ELAVL4: variants seen among roughly 807,000 people sequenced by gnomAD.
The protein encoded by ELAVL4 is ELAV-like protein 4.
ELAVL4 carries 1 observed loss-of-function variant against 35.6 expected under a neutral mutation model. The ratio of observed to expected loss-of-function variants is 0.03; its 90% CI spans 0.01 to 0.13. ELAVL4 has a LOEUF of 0.13. Among genes scored for constraint, ELAVL4 ranks in the 10% least tolerant of loss-of-function variants. ELAVL4 has a pLI of 1.00. For missense variants in ELAVL4, 267 were observed against 464.9 expected, an observed-to-expected ratio of 0.57 and a Z score of 3.91; for synonymous variants, 156 against 171.0, an observed-to-expected ratio of 0.91 and a Z score of 0.69.
Position 50,137,069 on chromosome 1 carries a change from T to C in ELAVL4, c.10-7888T>C, listed in dbSNP as rs1672002877. On this transcript the variant is annotated intron_variant, in intron 1 of 6. Transcript: ENST00000371824. ...TCGTATGTAGGTAAAGTGGAGGGGA[T>C]AGGGTAAGACAGGGTTCTAAACCTT... 2.6e-5 allele frequency among the ~76,000 whole-genome samples: 4 copies of C among 152,152 alleles called. No homozygotes were observed. The South Asian group carries it at 8.3e-4, about 32-fold the overall frequency.
chr1:50,193,695 GT>G, intron 3 of ELAVL4, 69 bp from the exon 4 acceptor site: 1 of 1,539,124 alleles, frequency 6.5e-7, no homozygotes, highest in Non-Finnish European at 8.8e-7. Flanking sequence ...TGTCATCTTG[GT>G]TGTGGACTCA....
At chr1:50,191,078 G>T (rs1682594908) in intron 3 of ELAVL4, among the ~76,000 whole-genome samples, 1 of 152,068 alleles carries the variant, frequency 6.6e-6, no homozygotes, top group Non-Finnish European at 1.5e-5. Flanking sequence ...TGTGATAATT[G>T]GTCTGTATGT....
chr1:50,156,743 A>G (rs1317141889), intron 2 of ELAVL4, among the ~76,000 whole-genome samples: 1 of 152,174 alleles, frequency 6.6e-6, no homozygotes, highest in Non-Finnish European at 1.5e-5. Context: ...ACAGCAAGCA[A>G]GTGGCCAAGC....
chr1:50,145,522 A>C (rs1393610309), intron 2 of ELAVL4, among the ~76,000 whole-genome samples: 7 of 151,972 alleles, frequency 4.6e-5, no homozygotes, highest in Non-Finnish European at 7.4e-5. Flanking sequence ...CCTATACTAT[A>C]CACTAGTTTT....
intron 1 of ELAVL4, among the ~76,000 whole-genome samples, chr1:50,084,362 A>G (rs977556123): frequency 3.9e-5 from 6 of 152,318 alleles, no homozygotes; most frequent in Non-Finnish European, 5.9e-5. Flanking sequence ...TTAGTTTACA[A>G]CATTCTGTTT....
chr1:50,137,407 C>A (rs1672062755), intron 1 of ELAVL4, among the ~76,000 whole-genome samples: 1 of 151,532 alleles, frequency 6.6e-6, no homozygotes. Context: ...AAGTCATGAG[C>A]TAATGGAATA....
In ELAVL4 at chr1:50,178,260, C is replaced by G. The variant is rs1356445567; in HGVS notation, c.354+1068C>G. ...GCAAAGTAGGACAAAAGAGAAACCT[C>G]TCCCAGAATGGAAATCTATAGATGG... On this transcript the variant is annotated intron_variant, in intron 3 of 6. Transcript: ENST00000371824. Among the ~76,000 whole-genome samples, 4 of 152,180 alleles carry G rather than the reference C, an allele frequency of 2.6e-5. No individual in the cohort carries two copies. In the South Asian group the frequency reaches 6.2e-4, roughly 24 times the overall value.
chr1:50,133,599 A>AAAGAAAGAAAG (rs1460308549), intron 1 of ELAVL4, among the ~76,000 whole-genome samples: 17 of 129,262 alleles, frequency 1.3e-4, no homozygotes, highest in South Asian at 2.7e-4. Flanking sequence ...AGAAAGAAAG[A>AAAGAAAGAAAG]AAAGAAAGAA....
chr1:50,156,905 C>G (rs936477385), intron 2 of ELAVL4, among the ~76,000 whole-genome samples: 3 of 152,118 alleles, frequency 2.0e-5, no homozygotes, highest in African/African-American at 7.2e-5. Context: ...ATAATGAACA[C>G]CAATTTCAGT....
chr1:50,116,395 GGT>G (rs139106566), intron 1 of ELAVL4, among the ~76,000 whole-genome samples: 4,597 of 149,488 alleles, frequency 0.031, 236 homozygotes, highest in African/African-American at 0.1. Flanking sequence ...TAAATACTGT[GGT>G]GTGTGTGTGT....
chr1:50,193,687 T>C, intron 3 of ELAVL4, 78 bp from the exon 4 acceptor site: 1 of 1,504,936 alleles, frequency 6.6e-7, no homozygotes, highest in South Asian at 1.3e-5. Context: ...TGAGGGGCTG[T>C]CATCTTGGTT....
chr1:50,157,437 A>G (rs1675956788), intron 2 of ELAVL4, among the ~76,000 whole-genome samples: 1 of 152,212 alleles, frequency 6.6e-6, no homozygotes. Flanking sequence ...CCCTGTGATA[A>G]GCTATCTTTC....
chr1:50,110,300 CA>C (rs1219366502), intron 1 of ELAVL4, among the ~76,000 whole-genome samples: 1 of 152,052 alleles, frequency 6.6e-6, no homozygotes, highest in African/African-American at 2.4e-5. Context: ...TGTGAGCCTT[CA>C]ACGGAATTAC....
intron 2 of ELAVL4, among the ~76,000 whole-genome samples, chr1:50,158,672 T>C (rs923489531): frequency 6.6e-6 from 1 of 152,132 alleles, no homozygotes; most frequent in Non-Finnish European, 1.5e-5. Context: ...GTCTAGATTA[T>C]CCCAGAAGCA....
rs144767137 is a variant in ELAVL4 at position 50,109,139 on chromosome 1, AT to A, written c.-47del. ...AATATATATTCTGAAATCTTTGCAAATTTTAACAGAAGAGTCGAAGCTCTGC... is the reference window on the plus strand; with the variant it reads ...AATATATATTCTGAAATCTTTGCAAATTTAACAGAAGAGTCGAAGCTCTGC... On this transcript the variant is annotated 5_prime_UTR_variant, in exon 1 of 7. Coordinates refer to ENST00000371824, the MANE Select transcript of ELAVL4 (RefSeq NM_001144774.3). 33 of 1,594,336 alleles carry A rather than the reference AT, an allele frequency of 2.1e-5. No individual in the cohort carries two copies. The Middle Eastern group carries it at 1.0e-3, about 49-fold the overall frequency.
In ELAVL4 at chr1:50,056,883, G is replaced by A. The variant is rs1192318016; in HGVS notation, c.18+8701G>A. ...GGAGGCAGAGCTTGCAGTAAGCCAA[G>A]ATCGTGCCACTGCACTCCAGCCTGG... On this transcript the variant is annotated intron_variant, in intron 1 of 6. Coordinates refer to the ELAVL4 transcript ENST00000448907. Among the ~76,000 whole-genome samples, 3 of 149,728 alleles carry A rather than the reference G, an allele frequency of 2.0e-5. No individual in the cohort carries two copies. The East Asian group carries it at 5.8e-4, about 29-fold the overall frequency.
Position 50,201,275 on chromosome 1 carries a change from C to G in ELAVL4, c.*97C>G. 7.3e-7 allele frequency: 1 copy of G among 1,365,912 alleles called. No homozygotes were observed. The highest frequency in any genetic ancestry group is 9.6e-7 in the Non-Finnish European group (1 of 1,039,518). The allele number at this position is 1,365,912 out of a possible 1,614,324, so 84.6% of individuals were successfully genotyped here. A position where few individuals can be genotyped will look rare whatever the true frequency, so the allele number is the denominator to read the frequency against. ...CATACACGAAAGAGAGAGAAACAAA[C>G]TTTTCAAGGCTTATATTCAACCATG... On this transcript the variant is annotated 3_prime_UTR_variant, in exon 7 of 7. Coordinates refer to ENST00000371824, the MANE Select transcript of ELAVL4 (RefSeq NM_001144774.3). This position sits in a 1 kb window ranked among gnomAD's most constrained non-coding sequence, Gnocchi z 4.3.
At chr1:50,172,014 C>T (rs1052548440) in intron 2 of ELAVL4, among the ~76,000 whole-genome samples, 4 of 152,204 alleles carry the variant, frequency 2.6e-5, no homozygotes, top group Admixed American at 6.5e-5. Flanking sequence ...ACAGCAGCTA[C>T]CCATCTGGCT....
At chr1:50,062,319 G>A (rs112918263) in intron 1 of ELAVL4, among the ~76,000 whole-genome samples, 3 of 152,166 alleles carry the variant, frequency 2.0e-5, no homozygotes, top group Admixed American at 6.6e-5. Flanking sequence ...CCTAATTTGT[G>A]TCATTTCTCA....
Sources: gnomAD v4.1 joint callset for allele counts (sites outside exome capture counted in the v4.1 genomes callset) on GRCh38, gnomAD v4.1.1 for gene constraint, Gnocchi (gnomAD v3.1) non-coding constraint, MANE v1.5 for transcripts, NCBI Gene and HGNC (gene_info 2026-07-23, HGNC 2026-07-21) for gene names.